Variants in C18orf63 observed in about 807,000 individuals in gnomAD.
The protein encoded by C18orf63 is uncharacterized protein C18orf63.
C18orf63 carries 50 observed loss-of-function variants against 75.3 expected under a neutral mutation model. The observed-to-expected ratio is 0.66, with a 90% CI of 0.53 to 0.84. The LOEUF (loss-of-function observed/expected upper bound fraction) is 0.84, where lower values mean the gene tolerates loss of function less well. Ranked by LOEUF, C18orf63 falls within the 40% of genes least tolerant of loss-of-function variation. The pLI is 0.00. For missense variants in C18orf63, 732 were observed against 800.2 expected (o/e 0.91, Z 1.03); for synonymous variants, 232 against 267.6 (o/e 0.87, Z 1.30).
At chr18:74,317,794 A>G in intron 1 of C18orf63, 40 bp from the exon 2 acceptor site, 3 of 1,233,380 alleles carry the variant, frequency 2.4e-6, no homozygotes, top group Non-Finnish European at 3.3e-6. Flanking sequence ...CTCTATTGGT[A>G]AGATAATTTA....
chr18:74,329,365 C>A (rs930998388), intron 6 of C18orf63, among the ~76,000 whole-genome samples: 9 of 119,644 alleles, frequency 7.5e-5, no homozygotes, highest in Non-Finnish European at 1.5e-4. Context: ...CAGAGCAAGA[C>A]CCTATTTCAA....
At chr18:74,330,000 G>T in intron 6 of C18orf63, among the ~76,000 whole-genome samples, 1 of 152,124 alleles carries the variant, frequency 6.6e-6, no homozygotes, top group East Asian at 1.9e-4. Flanking sequence ...AAGCCTGTTT[G>T]CTCTCCTTGC....
intron 7 of C18orf63, among the ~76,000 whole-genome samples, chr18:74,335,641 A>C (rs1984379253): frequency 6.6e-6 from 1 of 152,138 alleles, no homozygotes; most frequent in South Asian, 2.1e-4. Flanking sequence ...TTTGCTTTGA[A>C]ATTTAATTAT....
rs1209887940 is a variant in C18orf63 at position 74,357,411 on chromosome 18, G to A, written c.*964G>A. 6.6e-6 allele frequency: 1 copy of A among 151,830 alleles called. No homozygotes were observed. Among genetic ancestry groups the A allele is most frequent in the Non-Finnish European group, 1.5e-5 (1 of 67,930 alleles). 9.4% of individuals were successfully genotyped at this position (151,830 alleles called of 1,614,324 possible). On this transcript the variant is annotated 3_prime_UTR_variant, in exon 14 of 14. Transcript: ENST00000579455. ...ATTACAAATAAATTATCTAACATTT[G>A]AAAAAAAGAGAAACAGAAGTGGAGC...
rs947430346 is a variant in C18orf63, at chr18:74,317,887, T to G, written c.22T>G (p.Ser8Ala). The change falls in exon 2 of 14, where the codon TCT becomes GCT. Residue 8 changes from serine to alanine, a missense_variant. Coordinates refer to ENST00000579455, the MANE Select transcript of C18orf63 (RefSeq NM_001174123.2). ...AAGTATGAATGATTCTAGGCAGCAG[T>G]CTCTGTTCTTCATCACACTTCCAGA... MNDSRQQSLFFITLPDLN... is the reference protein window; with the variant it reads MNDSRQQALFFITLPDLN... 3.3e-6 allele frequency: 5 copies of G among 1,534,432 alleles called. No homozygotes were observed. Among genetic ancestry groups the G allele is most frequent in the Non-Finnish European group, 3.5e-6 (4 of 1,146,112 alleles).
At chr18:74,336,395 ATGTC>A (rs1370550310) in intron 7 of C18orf63, among the ~76,000 whole-genome samples, 2 of 152,128 alleles carry the variant, frequency 1.3e-5, no homozygotes, top group African/African-American at 2.4e-5. Context: ...GAAAAAGAAA[ATGTC>A]TGAGGGAATC....
intron 11 of C18orf63, among the ~76,000 whole-genome samples, chr18:74,351,268 T>C (rs1984662155): frequency 6.6e-6 from 1 of 152,194 alleles, no homozygotes; most frequent in African/African-American, 2.4e-5. Context: ...AACTTAAGTA[T>C]TATGGAACTA....
Position 74,353,698 on chromosome 18 carries a change from G to C in C18orf63, c.1431G>C (p.Gln477His). ...KLFSLKTSMI[Q>H]HDKLNLGPAI... ...TTTCACTCAAAACTAGTATGATCCA[G>C]CATGACAAACTGAATTTAGGTCCAG... The change falls in exon 12 of 14, where the codon CAG (glutamine) becomes CAC (histidine). Residue 477 changes from glutamine to histidine, a missense_variant. Transcript: ENST00000579455. 1 of 1,536,042 alleles carries C rather than the reference G, an allele frequency of 6.5e-7. No homozygotes were observed. Among genetic ancestry groups the C allele is most frequent in the South Asian group, 1.2e-5 (1 of 84,056 alleles).
At chr18:74,342,833 G>A (rs116472617) in intron 10 of C18orf63, among the ~76,000 whole-genome samples, 1,875 of 152,104 alleles carry the variant, frequency 0.012, 19 homozygotes, top group South Asian at 0.047. Context: ...ATATACACAC[G>A]AGAAGAGCAT....
rs142354332 is a variant in C18orf63, at chr18:74,341,634, C to T, written c.612-398C>T. On this transcript the variant is annotated intron_variant, in intron 8 of 13. Coordinates refer to ENST00000579455, the MANE Select transcript of C18orf63 (RefSeq NM_001174123.2). The stretch of plus-strand genomic sequence containing the variant: ...CCCGGGAAGCAGAGGTTGCCATGAG[C>T]TGAGATCGCACCACTGCCCTCCAGC... Among the ~76,000 whole-genome samples the T allele has an allele frequency of 2.0e-5, 3 of 152,214 alleles. No homozygotes were observed. In the East Asian group the frequency reaches 5.8e-4, roughly 29 times the overall value.
intron 13 of C18orf63, among the ~76,000 whole-genome samples, chr18:74,356,232 A>G (rs11151949): frequency 0.78 from 118,255 of 151,942 alleles, 46,331 homozygotes; most frequent in African/African-American, 0.87. Context: ...AATAATGTAC[A>G]TTGTACCTGA....
At position 74,315,844 on chromosome 18, in the gene C18orf63, G is replaced by C. The variant is rs1288308007; in HGVS notation, c.-298G>C. ...TGAGGAGGGCACGAGGGGACACTCC[G>C]ATGAAGGCAGGGCACGCGGGGCGAG... On this transcript the variant is annotated 5_prime_UTR_variant, in exon 1 of 14. Coordinates refer to ENST00000579455, the MANE Select transcript of C18orf63 (RefSeq NM_001174123.2). The C allele has an allele frequency of 1.3e-5, 2 of 152,680 alleles. No individual in the cohort carries two copies. The highest frequency in any genetic ancestry group is 2.9e-5 in the Non-Finnish European group (2 of 68,434). The allele number at this position is 152,680 out of a possible 1,614,324, so 9.5% of individuals were successfully genotyped here. A position where few individuals can be genotyped will look rare whatever the true frequency, so the allele number is the denominator to read the frequency against.
chr18:74,325,413 T>C (rs1984191913), intron 4 of C18orf63, among the ~76,000 whole-genome samples: 1 of 152,238 alleles, frequency 6.6e-6, no homozygotes, highest in Admixed American at 6.5e-5. Flanking sequence ...TGAATCTTTT[T>C]AAATTAATTG....
intron 7 of C18orf63, among the ~76,000 whole-genome samples, chr18:74,337,413 A>C (rs1314347908): frequency 3.9e-5 from 6 of 152,094 alleles, no homozygotes; most frequent in African/African-American, 1.4e-4. Flanking sequence ...ATACTGTAGA[A>C]AGTACCCAGA....
chr18:74,322,262 G>A (rs987527332), intron 3 of C18orf63, among the ~76,000 whole-genome samples: 1 of 152,178 alleles, frequency 6.6e-6, no homozygotes, highest in South Asian at 2.1e-4. Context: ...AGATATTCAC[G>A]CCTTTAAATA....
intron 7 of C18orf63, among the ~76,000 whole-genome samples, chr18:74,336,977 A>T (rs139218177): frequency 6.3e-4 from 95 of 151,990 alleles, no homozygotes; most frequent in African/African-American, 2.1e-3. Context: ...TTTTTACTTG[A>T]ACTATTAAAC....
intron 3 of C18orf63, among the ~76,000 whole-genome samples, chr18:74,322,147 A>G (rs1984134921): frequency 6.6e-6 from 1 of 152,200 alleles, no homozygotes; most frequent in South Asian, 2.1e-4. Flanking sequence ...TTTAAACTAT[A>G]ATATAGATAC....
intron 7 of C18orf63, among the ~76,000 whole-genome samples, chr18:74,333,038 A>C (rs959601064): frequency 3.3e-5 from 5 of 152,194 alleles, no homozygotes; most frequent in African/African-American, 1.2e-4. Context: ...TATCCTCAAA[A>C]TAGGATGCTT....
intron 11 of C18orf63, among the ~76,000 whole-genome samples, chr18:74,352,464 G>T (rs765410740): frequency 5.0e-5 from 7 of 140,166 alleles, no homozygotes; most frequent in Non-Finnish European, 7.9e-5. Flanking sequence ...GACTGTAAAC[G>T]CTTGGCTCTT....
Sources: gnomAD v4.1 joint callset for allele counts (sites outside exome capture counted in the v4.1 genomes callset) on GRCh38, gnomAD v4.1.1 for gene constraint, MANE v1.5 for transcripts, NCBI Gene and HGNC (gene_info 2026-07-23, HGNC 2026-07-21) for gene names.